Variants in TMC3 observed in about 807,000 individuals in gnomAD.
The protein encoded by TMC3 is transmembrane channel-like protein 3.
In TMC3, 98 loss-of-function variants were observed where a neutral mutation model predicts 110.6. The ratio of observed to expected loss-of-function variants is 0.89; its 90% confidence interval spans 0.75 to 1.05. The LOEUF is 1.05. Ranked by LOEUF, TMC3 falls within the 50% of genes least tolerant of loss-of-function variation. The pLI is 0.00. For synonymous variants in TMC3, 489 were observed against 513.1 expected (o/e 0.95, Z 0.63); for missense variants, 1,319 against 1,373.2 (o/e 0.96, Z 0.62).
At chr15:81,343,562 G>C (rs1893757771) in intron 14 of TMC3, among the ~76,000 whole-genome samples, 1 of 152,146 alleles carries the variant, frequency 6.6e-6, no homozygotes, top group South Asian at 2.1e-4. Context: ...GGCTGAGCAG[G>C]AGGATCACTT....
chr15:81,334,887 T>C lies in TMC3; in HGVS notation c.2292A>G (p.Thr764=), dbSNP rs940391546. ...GGGCCACGTTGCCGTTGTTTTGGGG[T>C]GTGCCCGAGTGCGCTGAGGACAGCT... ...TSQLSSAHSG[T]PQNNGNVAHF... The change falls in exon 21 of 22, where the codon ACA becomes ACG. Residue 764 remains threonine (T), a synonymous_variant. Transcript: ENST00000359440. The C allele has an allele frequency of 6.2e-7, 1 of 1,614,002 alleles. No individual in the cohort carries two copies.
rs1244622113 is a variant in TMC3, at chr15:81,341,500, G to A, written c.1734C>T (p.Ser578=). 3 of 1,610,570 alleles carry A rather than the reference G, an allele frequency of 1.9e-6. No homozygotes were observed. The highest frequency in any genetic ancestry group is 2.5e-6 in the Non-Finnish European group (3 of 1,178,306). The change falls in exon 16 of 22, where the codon TCC becomes TCT. Residue 578 remains serine, a synonymous_variant. Transcript: ENST00000359440. ...GAACGTTGAACGCTGGGAGACATGGGGAGAAGAAGGCCCCCATCCTGGAAC... is the reference window on the plus strand; with the variant it reads ...GAACGTTGAACGCTGGGAGACATGGAGAGAAGAAGGCCCCCATCCTGGAAC... ...QGMIWMGAFF[S]PCLPAFNVLK...
intron 9 of TMC3, among the ~76,000 whole-genome samples, chr15:81,353,262 T>G (rs1214439370): frequency 6.6e-6 from 1 of 152,184 alleles, no homozygotes; most frequent in Non-Finnish European, 1.5e-5. Flanking sequence ...AGTCAAACAG[T>G]TTTTTAAAAT....
At chr15:81,341,949 T>A (rs1893724980) in intron 15 of TMC3, among the ~76,000 whole-genome samples, 1 of 152,212 alleles carries the variant, frequency 6.6e-6, no homozygotes, top group African/African-American at 2.4e-5. Context: ...TTAAGCATCC[T>A]CACACATTTC....
chr15:81,334,948 G>C lies in TMC3; in HGVS notation c.2231C>G (p.Thr744Ser). Residue 744 changes from threonine (T) to serine (S), a missense_variant, in exon 21 of 22, where the codon ACC becomes AGC. By Grantham distance (58) the Thr-to-Ser change is moderately conservative. Transcript: ENST00000359440. ...EARIQTQEES[T>S]KKLPNDSDLT... ...ATCACTGTCGTTTGGAAGCTTCTTG[G>C]TGCTTTCTTCCTGGGTCTGGATTCG... 1 of 1,614,020 alleles carries C rather than the reference G, an allele frequency of 6.2e-7. No individual in the cohort carries two copies.
chr15:81,355,158 T>C (rs1894032493), intron 9 of TMC3, among the ~76,000 whole-genome samples: 1 of 152,182 alleles, frequency 6.6e-6, no homozygotes, highest in Admixed American at 6.5e-5. Flanking sequence ...CTTTCTGCAC[T>C]GTGGAAACTA....
intron 9 of TMC3, among the ~76,000 whole-genome samples, chr15:81,355,034 C>T (rs1296157609): frequency 6.6e-6 from 1 of 152,116 alleles, no homozygotes; most frequent in African/African-American, 2.4e-5. Context: ...TTCTGACTCC[C>T]TATGGACAGC....
At chr15:81,337,953 T>A (rs753171619) in intron 18 of TMC3, 29 bp from the exon 19 acceptor site, 4 of 1,569,258 alleles carry the variant, frequency 2.5e-6, no homozygotes, top group Non-Finnish European at 3.5e-6. Context: ...GGACAATGAG[T>A]GGACTGCAAC....
chr15:81,364,976 T>C (rs983312196), intron 3 of TMC3, among the ~76,000 whole-genome samples: 9 of 151,866 alleles, frequency 5.9e-5, no homozygotes, highest in African/African-American at 2.2e-4. Context: ...CAAACATGGT[T>C]TGAAGCAATG....
chr15:81,332,601 A>G lies in TMC3; in HGVS notation c.3121T>C (p.Ser1041Pro). The stretch of plus-strand genomic sequence containing the variant: ...CTGGATGCTGCCGACACGGAGTCAG[A>G]TTCCGTGAGGGATGGCTCGAACCTG... ...KPRFEPSLTE[S>P]DSVSAASSSD... Residue 1041 changes from serine (S) to proline (P), a missense_variant, in exon 22 of 22, where the codon TCT becomes CCT. Coordinates refer to ENST00000359440, the MANE Select transcript of TMC3 (RefSeq NM_001080532.3). 6.2e-7 allele frequency: 1 copy of G among 1,613,832 alleles called. No homozygotes were observed.
chr15:81,369,459 G>A (rs1179002017), intron 2 of TMC3, among the ~76,000 whole-genome samples: 4 of 152,104 alleles, frequency 2.6e-5, no homozygotes, highest in Non-Finnish European at 4.4e-5. Context: ...ACCATGTTGG[G>A]ACCATCTTAA....
In TMC3 at chr15:81,338,686, C is replaced by G. The variant is rs373147707; in HGVS notation, c.2050G>C (p.Val684Leu). 3.1e-6 allele frequency: 5 copies of G among 1,613,890 alleles called. No individual in the cohort carries two copies. The South Asian group carries it at 5.5e-5, about 18-fold the overall frequency. Reference protein sequence around the residue: ...GSVVGHISSPVVILPAVLLLF... With the variant: ...GSVVGHISSPLVILPAVLLLF... ...AGGAGTACTGCGGGCAGGATGACCA[C>G]GGGGCTACTGATGTGTCCAACCACG... is the stretch of plus-strand genomic sequence containing the variant. Residue 684 changes from valine to leucine, a missense_variant, in exon 18 of 22, where the codon GTG (valine) becomes CTG (leucine). Val to Leu is a conservative substitution (Grantham distance 32). Transcript: ENST00000359440.
At chr15:81,340,478 T>A (rs549429336) in intron 16 of TMC3, among the ~76,000 whole-genome samples, 5 of 152,338 alleles carry the variant, frequency 3.3e-5, no homozygotes, top group African/African-American at 1.2e-4. Flanking sequence ...AAGTAGGTCA[T>A]GAGCAAAAGT....
At chr15:81,336,447 A>C (rs1236106320) in intron 20 of TMC3, among the ~76,000 whole-genome samples, 162 bp downstream of exon 20, 2 of 152,174 alleles carry the variant, frequency 1.3e-5, no homozygotes, top group Non-Finnish European at 2.9e-5. Context: ...ACGCACCTGT[A>C]ATCCCAGCTA....
chr15:81,356,619 T>C (rs1894069486), intron 7 of TMC3, 25 bp from the exon 8 acceptor site: 2 of 1,572,402 alleles, frequency 1.3e-6, no homozygotes, highest in South Asian at 1.2e-5. Context: ...CACAAACAGG[T>C]CTTGGGAGTC....
At chr15:81,348,088 A>T (rs1256086361) in intron 11 of TMC3, among the ~76,000 whole-genome samples, 1 of 152,268 alleles carries the variant, frequency 6.6e-6, no homozygotes, top group Non-Finnish European at 1.5e-5. Context: ...ACACCTGTTC[A>T]TCGCCGTATG....
intron 20 of TMC3, 72 bp downstream of exon 20, chr15:81,336,537 C>T (rs1175819732): frequency 2.3e-5 from 35 of 1,489,992 alleles, no homozygotes; most frequent in Non-Finnish European, 1.9e-6. Context: ...CACTGCACTC[C>T]AGCCTGGGCG....
chr15:81,372,083 C>A (rs2141429862), intron 2 of TMC3, among the ~76,000 whole-genome samples: 1 of 151,684 alleles, frequency 6.6e-6, no homozygotes, highest in South Asian at 2.1e-4. Context: ...CTCTAAGTAT[C>A]ATAATAATCT....
chr15:81,346,506 CCCCCACATGGTTCTAAAGA>C, intron 11 of TMC3, 63 bp from the exon 12 acceptor site: 1 of 1,503,392 alleles, frequency 6.7e-7, no homozygotes. Context: ...GGTTCTAGAG[CCCCCACATGGTTCTAAAGA>C]CTGTCATGGA....
Sources: gnomAD v4.1 joint callset for allele counts (sites outside exome capture counted in the v4.1 genomes callset) on GRCh38, gnomAD v4.1.1 for gene constraint, MANE v1.5 for transcripts, NCBI Gene and HGNC (gene_info 2026-07-23, HGNC 2026-07-21) for gene names.